The following ZDHHC14 variants were observed in gnomAD, a reference collection of about 807,000 sequenced individuals.
ZDHHC14 encodes the protein zDHHC palmitoyltransferase 14.
Under a neutral mutation model 47.7 loss-of-function variants are expected in ZDHHC14, and 16 were observed. That is an observed-to-expected ratio of 0.34 (90% confidence interval 0.23 to 0.51). The LOEUF (loss-of-function observed/expected upper bound fraction) is 0.51. Among genes scored for constraint, ZDHHC14 ranks in the 20% least tolerant of loss-of-function variants. The pLI is 0.97. For missense variants in ZDHHC14, 515 were observed against 662.5 expected (o/e 0.78, Z 2.44); for synonymous variants, 293 against 278.9 (o/e 1.05, Z -0.50).
chr6:157,669,142 C>T (rs895845703), intron 8 of ZDHHC14, among the ~76,000 whole-genome samples: 1 of 152,228 alleles, frequency 6.6e-6, no homozygotes, highest in Non-Finnish European at 1.5e-5. Context: ...TCTGCATCAA[C>T]CCCAACAGGG....
intron 4 of ZDHHC14, chr6:157,630,664 G>A (rs1785654527): frequency 7.1e-6 from 1 of 140,744 alleles, no homozygotes; most frequent in South Asian, 2.3e-4. Flanking sequence ...ACTCATACTA[G>A]CCATACTCAC....
chr6:157,445,163 C>CA (rs1562427441), intron 1 of ZDHHC14, among the ~76,000 whole-genome samples: 65 of 144,188 alleles, frequency 4.5e-4, no homozygotes, highest in African/African-American at 1.7e-3. Flanking sequence ...ATCTATCTAT[C>CA]TATCATCATC....
At chr6:157,473,988 CTTTT>C (rs34287258) in intron 1 of ZDHHC14, among the ~76,000 whole-genome samples, 1 of 118,598 alleles carries the variant, frequency 8.4e-6, no homozygotes, top group Non-Finnish European at 1.8e-5. Flanking sequence ...ATTTTCTTTT[CTTTT>C]TTTTTTTTTT....
intron 1 of ZDHHC14, among the ~76,000 whole-genome samples, chr6:157,470,885 A>G (rs1029093300): frequency 1.1e-4 from 16 of 152,298 alleles, no homozygotes; most frequent in Admixed American, 9.8e-4. Context: ...AAGTCTATAC[A>G]CACACATGTT....
Position 157,389,928 on chromosome 6 carries a change from A to C in ZDHHC14, c.245+7662A>C, listed in dbSNP as rs1450532909. The stretch of plus-strand genomic sequence containing the variant: ...ACATATACACACGTATAAGATATAA[A>C]ACATATATATGTATGTACATATATT... On this transcript the variant is annotated intron_variant, in intron 1 of 8. Coordinates refer to ENST00000359775, the MANE Select transcript of ZDHHC14 (RefSeq NM_024630.3). 2.0e-5 allele frequency among the ~76,000 whole-genome samples: 3 copies of C among 152,292 alleles called. No homozygotes were observed. The East Asian group carries it at 5.8e-4, about 29-fold the overall frequency.
At chr6:157,398,969 G>C (rs915339189) in intron 1 of ZDHHC14, among the ~76,000 whole-genome samples, 14 of 152,150 alleles carry the variant, frequency 9.2e-5, no homozygotes, top group African/African-American at 3.1e-4. Flanking sequence ...GATTTTACTT[G>C]AAATGTCTGG....
At chr6:157,470,909 C>T (rs139259537) in intron 1 of ZDHHC14, among the ~76,000 whole-genome samples, 3 of 152,284 alleles carry the variant, frequency 2.0e-5, no homozygotes, top group East Asian at 3.9e-4. Flanking sequence ...GTGGCTTCCA[C>T]GTGTGAGCAG....
intron 1 of ZDHHC14, among the ~76,000 whole-genome samples, chr6:157,405,822 G>A (rs62422835): frequency 1.3e-5 from 2 of 152,168 alleles, no homozygotes; most frequent in Non-Finnish European, 2.9e-5. Flanking sequence ...AAAATAAAGT[G>A]CTATGCAAGC....
At chr6:157,671,041 C>T (rs1412458042) in intron 8 of ZDHHC14, among the ~76,000 whole-genome samples, 3 of 152,176 alleles carry the variant, frequency 2.0e-5, no homozygotes, top group Non-Finnish European at 4.4e-5. Flanking sequence ...GTTGGCTCTG[C>T]ACCGCTCTGT....
chr6:157,533,703 T>C (rs1781445500), intron 1 of ZDHHC14, among the ~76,000 whole-genome samples: 1 of 152,128 alleles, frequency 6.6e-6, no homozygotes, highest in Non-Finnish European at 1.5e-5. Flanking sequence ...GCTGGTGCAT[T>C]GGGCACGGAG....
At chr6:157,421,794 G>A (rs971807407) in intron 1 of ZDHHC14, among the ~76,000 whole-genome samples, 11 of 152,032 alleles carry the variant, frequency 7.2e-5, no homozygotes, top group Non-Finnish European at 1.5e-4. Context: ...TTTTAGTAGA[G>A]ACGGGGTTTC....
At position 157,579,190 on chromosome 6, in the gene ZDHHC14, G is replaced by GTTTTTTTTTTT. The variant is rs1187065924; in HGVS notation, c.407-13782_407-13772dup. ...GCCATTTTAATGATATTGATTCTGT[G>GTTTTTTTTTTT]TTTTTTTTTTTTTTTTTTTTTTTTT... On this transcript the variant is annotated intron_variant, in intron 2 of 8. Transcript: ENST00000359775. Among the ~76,000 whole-genome samples the GTTTTTTTTTTT allele has an allele frequency of 1.4e-4, 9 of 63,966 alleles. 2 individuals carry two copies. Among genetic ancestry groups the GTTTTTTTTTTT allele is most frequent in the Admixed American group, 2.2e-4 (1 of 4,528 alleles). 42.0% of individuals were successfully genotyped at this position (63,966 alleles called of 152,430 possible). A position where few individuals can be genotyped will look rare whatever the true frequency, so the allele number is the denominator to read the frequency against.
intron 1 of ZDHHC14, among the ~76,000 whole-genome samples, chr6:157,510,127 G>A (rs891209795): frequency 6.6e-6 from 1 of 152,094 alleles, no homozygotes; most frequent in Non-Finnish European, 1.5e-5. Context: ...GCCTGTAATC[G>A]CAGCTACTCA....
intron 3 of ZDHHC14, among the ~76,000 whole-genome samples, chr6:157,600,904 G>T (rs954053864): frequency 1.3e-5 from 2 of 152,194 alleles, no homozygotes; most frequent in Non-Finnish European, 2.9e-5. Context: ...GTTTATCCTG[G>T]ATTATCCAAG....
At position 157,382,086 on chromosome 6, in the gene ZDHHC14, C is replaced by T. The variant is rs1382654816; in HGVS notation, c.65C>T (p.Ser22Phe). Residue 22 changes from serine (S) to phenylalanine (F), a missense_variant, in exon 1 of 9, where the codon TCC becomes TTC. Transcript: ENST00000359775. The stretch of plus-strand genomic sequence containing the variant: ...TACAGCCAGATCAGCACCCACAGCT[C>T]CTCCCCCATGGAGTCGCCCCACAAG... Reference protein sequence around the residue: ...CEYSQISTHSSSPMESPHKKK... With the variant: ...CEYSQISTHSFSPMESPHKKK... 3 of 1,609,734 alleles carry T rather than the reference C, an allele frequency of 1.9e-6. No homozygotes were observed. The African/African-American group carries it at 4.0e-5, about 22-fold the overall frequency.
rs1407310397 is a variant in ZDHHC14 at position 157,673,288 on chromosome 6, C to T, written c.*166C>T. On this transcript the variant is annotated 3_prime_UTR_variant, in exon 9 of 9. Coordinates refer to ENST00000359775, the MANE Select transcript of ZDHHC14 (RefSeq NM_024630.3). This position sits in a 1 kb window ranked among gnomAD's most constrained non-coding sequence, Gnocchi z 5.4. ...TTAGGATGGCACAGGGTGGCTGGCCCCGGATGCTGAGAGCTTGGTTTCATT... is the reference window on the plus strand; with the variant it reads ...TTAGGATGGCACAGGGTGGCTGGCCTCGGATGCTGAGAGCTTGGTTTCATT... 11 of 877,698 alleles carry T rather than the reference C, an allele frequency of 1.3e-5. No individual in the cohort carries two copies. Among genetic ancestry groups the T allele is most frequent in the Non-Finnish European group, 1.8e-5 (11 of 621,388 alleles). The allele number at this position is 877,698 out of a possible 1,614,324, so 54.4% of individuals were successfully genotyped here. A position where few individuals can be genotyped will look rare whatever the true frequency, so the allele number is the denominator to read the frequency against.
At chr6:157,451,925 A>G (rs62423904) in intron 1 of ZDHHC14, among the ~76,000 whole-genome samples, 121,558 of 152,172 alleles carry the variant, frequency 0.8, 48,741 homozygotes, top group East Asian at 0.92. Flanking sequence ...AGGCCAAGGG[A>G]ACAAAAAGTG....
chr6:157,487,187 C>T (rs138894834), intron 1 of ZDHHC14, among the ~76,000 whole-genome samples: 5,158 of 152,260 alleles, frequency 0.034, 140 homozygotes, highest in Non-Finnish European at 0.054. Context: ...GCCACCTTGC[C>T]GGGAGTGTGA....
chr6:157,471,398 C>G (rs892094100), intron 1 of ZDHHC14, among the ~76,000 whole-genome samples: 2 of 152,208 alleles, frequency 1.3e-5, no homozygotes, highest in Non-Finnish European at 2.9e-5. Flanking sequence ...CTGGACTCCC[C>G]CGCCCGCCGA....
Sources: gnomAD v4.1 joint callset for allele counts (sites outside exome capture counted in the v4.1 genomes callset) on GRCh38, gnomAD v4.1.1 for gene constraint, Gnocchi (gnomAD v3.1) non-coding constraint, MANE v1.5 for transcripts, NCBI Gene and HGNC (gene_info 2026-07-23, HGNC 2026-07-21) for gene names.